The following JAKMIP3 variants were observed in gnomAD, a reference collection of about 807,000 sequenced individuals.
JAKMIP3 encodes janus kinase and microtubule-interacting protein 3.
A neutral mutation model predicts 118.5 loss-of-function variants in JAKMIP3; 58 were observed. The ratio of observed to expected loss-of-function variants is 0.49; its 90% CI spans 0.40 to 0.61. The LOEUF is 0.61. JAKMIP3 is among the 20% of genes least tolerant of loss of function. The pLI is 0.00. For synonymous variants in JAKMIP3, 486 were observed against 451.2 expected, an observed-to-expected ratio of 1.08 and a Z score of -0.98; for missense variants, 950 against 1,109.0, an observed-to-expected ratio of 0.86 and a Z score of 2.04.
At chr10:132,092,990 C>G (rs888509397) in intron 1 of JAKMIP3, among the ~76,000 whole-genome samples, 4 of 152,224 alleles carry the variant, frequency 2.6e-5, no homozygotes, top group Non-Finnish European at 2.9e-5. Context: ...TTCTAACAGT[C>G]AGGACCCTCA....
rs2037849408 is a variant in JAKMIP3, at chr10:132,044,429, A to G, written c.-138+7691A>G. Among the ~76,000 whole-genome samples the G allele has an allele frequency of 6.6e-6, 1 of 152,126 alleles. No individual in the cohort carries two copies. Among genetic ancestry groups the G allele is most frequent in the Admixed American group, 6.5e-5 (1 of 15,276 alleles). On this transcript the variant is annotated intron_variant, in intron 1 of 23. Coordinates refer to the JAKMIP3 transcript ENST00000657785. The surrounding 1 kb of genome is among the most constrained non-coding windows in gnomAD (Gnocchi z 5.3). ...TGTCACAATTCTGCAAGAGCTCGTG[A>G]CGGGAGCTCACCAGTCTAGTAGGGA... is the stretch of plus-strand genomic sequence containing the variant.
intron 1 of JAKMIP3, among the ~76,000 whole-genome samples, chr10:132,075,750 T>C (rs1300726738): frequency 6.6e-6 from 1 of 152,216 alleles, no homozygotes; most frequent in South Asian, 2.1e-4. Context: ...GCCTTGTTGC[T>C]GGTTTTTCTG....
chr10:132,130,633 C>T (rs1307242075), intron 3 of JAKMIP3, among the ~76,000 whole-genome samples: 1 of 152,218 alleles, frequency 6.6e-6, no homozygotes, highest in South Asian at 2.1e-4. Flanking sequence ...TCTGCCAACA[C>T]CTTAGGCAGT....
intron 21 of JAKMIP3, among the ~76,000 whole-genome samples, chr10:132,165,119 C>T (rs1408936816): frequency 6.6e-6 from 1 of 152,228 alleles, no homozygotes; most frequent in East Asian, 1.9e-4. Context: ...GCAGGTTCAC[C>T]TTGCACTGGT....
chr10:132,101,249 G>T (rs2044855137), intron 1 of JAKMIP3, among the ~76,000 whole-genome samples: 1 of 152,158 alleles, frequency 6.6e-6, no homozygotes, highest in African/African-American at 2.4e-5. Flanking sequence ...TACATGGGAG[G>T]CTGAGGTGGG....
intron 1 of JAKMIP3, among the ~76,000 whole-genome samples, chr10:132,102,162 A>C (rs2045050779): frequency 6.6e-6 from 1 of 152,120 alleles, no homozygotes; most frequent in South Asian, 2.1e-4. Flanking sequence ...AGGCCAGCCG[A>C]GCCCCCTTTC....
At chr10:132,091,204 T>C (rs556216974) in intron 1 of JAKMIP3, among the ~76,000 whole-genome samples, 4 of 152,324 alleles carry the variant, frequency 2.6e-5, no homozygotes, top group Non-Finnish European at 5.9e-5. Context: ...TCCAACTATG[T>C]GGTCAGTTTT....
intron 19 of JAKMIP3, among the ~76,000 whole-genome samples, chr10:132,158,379 G>T (rs2057346729): frequency 6.6e-6 from 1 of 152,132 alleles, no homozygotes; most frequent in African/African-American, 2.4e-5. Flanking sequence ...ACACCCCATG[G>T]GATTAGAGAT....
intron 1 of JAKMIP3, among the ~76,000 whole-genome samples, chr10:132,102,669 C>T (rs80025461): frequency 2.0e-5 from 3 of 152,150 alleles, no homozygotes; most frequent in Non-Finnish European, 4.4e-5. Context: ...TTCACCCTCC[C>T]TCTGTGAGGC....
intron 3 of JAKMIP3, among the ~76,000 whole-genome samples, chr10:132,127,157 A>T (rs1223371160): frequency 2.0e-5 from 3 of 151,986 alleles, no homozygotes; most frequent in Non-Finnish European, 4.4e-5. Context: ...TAAGTTTGGT[A>T]AAATAGATTC....
At chr10:132,162,183 T>C (rs2058424396) in intron 19 of JAKMIP3, among the ~76,000 whole-genome samples, 1 of 152,184 alleles carries the variant, frequency 6.6e-6, no homozygotes, top group Non-Finnish European at 1.5e-5. Flanking sequence ...GGGGCAGTGG[T>C]GGCTCTTTAT....
In JAKMIP3 at chr10:132,104,636, AG is replaced by A. The variant is rs1447688287; in HGVS notation, c.-137-33del. ...CCTGAGCTCCAGGCCACGGCTCCGG[AG>A]GGAGCTGCTCACCGCGGTGTGCTTT... On this transcript the variant is annotated intron_variant, in intron 1 of 23. Coordinates refer to ENST00000684848, the MANE Select transcript of JAKMIP3 (RefSeq NM_001323087.2). 6.0e-6 allele frequency: 4 copies of A among 665,670 alleles called. No homozygotes were observed. The African/African-American group carries it at 7.3e-5, about 12-fold the overall frequency. The allele number at this position is 665,670 out of a possible 1,614,324, so 41.2% of individuals were successfully genotyped here.
At position 132,168,120 on chromosome 10, in the gene JAKMIP3, G is replaced by T. The variant is rs765978058; in HGVS notation, c.*190G>T. 7.8e-7 allele frequency: 1 copy of T among 1,288,352 alleles called. No homozygotes were observed. The highest frequency in any genetic ancestry group is 1.0e-6 in the Non-Finnish European group (1 of 988,114). The allele number at this position is 1,288,352 out of a possible 1,614,324, so 79.8% of individuals were successfully genotyped here. On this transcript the variant is annotated 3_prime_UTR_variant, in exon 23 of 24. Coordinates refer to ENST00000684848, the MANE Select transcript of JAKMIP3 (RefSeq NM_001323087.2). ...TGTGGGGCGTGGAGCTGCCGTCCAC[G>T]TGGGATGTGCCAGAACTAGAACTGG... is the stretch of plus-strand genomic sequence containing the variant.
At chr10:132,133,182 C>T in intron 3 of JAKMIP3, 130 bp from the exon 4 acceptor site, 2 of 784,286 alleles carry the variant, frequency 2.6e-6, no homozygotes, top group South Asian at 1.7e-5. Context: ...GGCTCCTGCT[C>T]TTAGTCCAGG....
chr10:132,118,817 A>T lies in JAKMIP3; in HGVS notation c.633+1243A>T, dbSNP rs1340548994. On this transcript the variant is annotated intron_variant, in intron 3 of 23. Coordinates refer to ENST00000684848, the MANE Select transcript of JAKMIP3 (RefSeq NM_001323087.2). This position sits in a 1 kb window ranked among gnomAD's most constrained non-coding sequence, Gnocchi z 4.8. ...AAGGACCCGGCCCAAACCAGCACTC[A>T]TAAGAACCGGGTGCTTTCTTCGCGT... Among the ~76,000 whole-genome samples the T allele has an allele frequency of 1.3e-5, 2 of 152,166 alleles. No homozygotes were observed. The highest frequency in any genetic ancestry group is 3.8e-4 in the East Asian group (2 of 5,202).
intron 3 of JAKMIP3, among the ~76,000 whole-genome samples, chr10:132,125,582 C>A (rs1253270559): frequency 6.6e-6 from 1 of 152,258 alleles, no homozygotes; most frequent in African/African-American, 2.4e-5. Flanking sequence ...TTGTCAGTTT[C>A]CACAGAAAAA....
Position 132,134,958 on chromosome 10 carries a change from T to C in JAKMIP3, c.850-83T>C, listed in dbSNP as rs75434449. 4,040 of 1,541,860 alleles carry C rather than the reference T, an allele frequency of 2.6e-3. 97 individuals are homozygous for C. The African/African-American group carries it at 0.05, about 19-fold the overall frequency. On this transcript the variant is annotated intron_variant, in intron 4 of 23. Coordinates refer to ENST00000684848, the MANE Select transcript of JAKMIP3 (RefSeq NM_001323087.2). The stretch of plus-strand genomic sequence containing the variant: ...GGCGCGCGTCCCACGGCAGCGTTTT[T>C]GTTCCCGTAGCGTGCTGGGATTTGC...
chr10:132,089,286 A>C (rs1477626643), intron 1 of JAKMIP3, among the ~76,000 whole-genome samples: 1 of 152,150 alleles, frequency 6.6e-6, no homozygotes, highest in Non-Finnish European at 1.5e-5. Context: ...TGAATCTATA[A>C]ATTACCTTGG....
At chr10:132,158,722 T>C (rs1239159978) in intron 19 of JAKMIP3, among the ~76,000 whole-genome samples, 3 of 56,830 alleles carry the variant, frequency 5.3e-5, no homozygotes, top group African/African-American at 8.1e-5. Context: ...GAGGGGCATC[T>C]TCCTGTGTGA....
Sources: gnomAD v4.1 joint callset for allele counts (sites outside exome capture counted in the v4.1 genomes callset) on GRCh38, gnomAD v4.1.1 for gene constraint, Gnocchi (gnomAD v3.1) non-coding constraint, MANE v1.5 for transcripts, NCBI Gene and HGNC (gene_info 2026-07-23, HGNC 2026-07-21) for gene names.